Variants in MYO5B observed in about 807,000 individuals in gnomAD.
MYO5B encodes the protein unconventional myosin-Vb.
MYO5B carries 143 observed loss-of-function variants against 229.3 expected under a neutral mutation model. The observed-to-expected ratio is 0.62, with a 90% CI of 0.54 to 0.72. MYO5B has a LOEUF of 0.72. MYO5B is among the 30% of genes least tolerant of loss of function. MYO5B has a pLI of 0.00. For missense variants in MYO5B, 2,321 were observed against 2,331.0 expected (o/e 1.00, Z 0.09); for synonymous variants, 918 against 885.2 (o/e 1.04, Z -0.66).
intron 1 of MYO5B, among the ~76,000 whole-genome samples, chr18:50,153,287 G>A (rs868527303): frequency 2.0e-5 from 3 of 152,296 alleles, no homozygotes; most frequent in Middle Eastern, 6.8e-3. Context: ...AGTGCTCCAA[G>A]TGTTAACTTC....
In MYO5B at chr18:49,864,151, C is replaced by T. The variant is rs747360258; in HGVS notation, c.3833G>A (p.Gly1278Asp). 2 of 1,609,270 alleles carry T rather than the reference C, an allele frequency of 1.2e-6. No homozygotes were observed. Among genetic ancestry groups the T allele is most frequent in the Non-Finnish European group, 1.7e-6 (2 of 1,179,884 alleles). ...IVSADQRRLAGRNAEPNINAR... is the reference protein window; with the variant it reads ...IVSADQRRLADRNAEPNINAR... ...CCGCCATCTTGTTACCGCGTTCCTGCCGGCGAGTCGCCGCTGGTCGGCGCT... is the reference window on the plus strand; with the variant it reads ...CCGCCATCTTGTTACCGCGTTCCTGTCGGCGAGTCGCCGCTGGTCGGCGCT... The change falls in exon 28 of 40, where the codon GGC (glycine) becomes GAC (aspartate). Residue 1278 changes from glycine (G) to aspartate (D), a missense_variant. By Grantham distance (94) the Gly-to-Asp change is moderately conservative. This residue lies in a region of MYO5B where 2,113 missense variants were observed against 2,044.7 expected (regional missense o/e 1.03). Coordinates refer to ENST00000285039, the MANE Select transcript of MYO5B (RefSeq NM_001080467.3).
At chr18:50,081,303 AG>A (rs2031214654) in intron 1 of MYO5B, among the ~76,000 whole-genome samples, 1 of 152,222 alleles carries the variant, frequency 6.6e-6, no homozygotes, top group South Asian at 2.1e-4. Flanking sequence ...GGACCCTCCA[AG>A]CCCATGCTCC....
chr18:50,055,820 A>T (rs1341123005), intron 1 of MYO5B, among the ~76,000 whole-genome samples: 1 of 152,250 alleles, frequency 6.6e-6, no homozygotes, highest in Non-Finnish European at 1.5e-5. Context: ...CTGCATTCAG[A>T]GAAAAAGTCA....
chr18:50,123,243 A>T (rs1350495365), intron 1 of MYO5B, among the ~76,000 whole-genome samples: 1 of 152,190 alleles, frequency 6.6e-6, no homozygotes, highest in Non-Finnish European at 1.5e-5. Flanking sequence ...ACACAAATCC[A>T]TAGACAGAAA....
chr18:50,083,959 G>A (rs116111442), intron 1 of MYO5B, among the ~76,000 whole-genome samples: 4 of 152,146 alleles, frequency 2.6e-5, no homozygotes, highest in South Asian at 4.1e-4. Flanking sequence ...AGACCCTAGC[G>A]TCAGAATGGT....
At chr18:50,184,564 C>T (rs879860767) in intron 1 of MYO5B, among the ~76,000 whole-genome samples, 1 of 152,142 alleles carries the variant, frequency 6.6e-6, no homozygotes, top group Non-Finnish European at 1.5e-5. Flanking sequence ...AATGAGCTAA[C>T]ATGTAGTGCT....
chr18:49,930,851 C>T (rs1352603331), intron 16 of MYO5B, among the ~76,000 whole-genome samples: 1 of 150,300 alleles, frequency 6.7e-6, no homozygotes, highest in Non-Finnish European at 1.5e-5. Flanking sequence ...GAGATCGTGC[C>T]ACTGCACTGC....
At chr18:49,836,995 C>G in intron 37 of MYO5B, 110 bp from the exon 38 acceptor site, 1 of 1,064,700 alleles carries the variant, frequency 9.4e-7, no homozygotes, top group South Asian at 1.4e-5. Context: ...CATTATTTAT[C>G]TCACACGGTT....
chr18:49,947,467 G>T (rs2969926), intron 14 of MYO5B, among the ~76,000 whole-genome samples: 4,809 of 152,248 alleles, frequency 0.032, 244 homozygotes, highest in African/African-American at 0.098. Flanking sequence ...TGAGCGAAAA[G>T]AAGTTTTTAA....
At chr18:49,963,798 G>A (rs951443707) in intron 10 of MYO5B, among the ~76,000 whole-genome samples, 6 of 152,150 alleles carry the variant, frequency 3.9e-5, no homozygotes, top group African/African-American at 1.4e-4. Context: ...GAAGGCATCA[G>A]TTTTAACATC....
Position 50,171,355 on chromosome 18 carries a change from T to C in MYO5B, c.27+23412A>G, listed in dbSNP as rs528707124. The stretch of plus-strand genomic sequence containing the variant: ...ACAGTAATTGCCTCTGTACAGAGAA[T>C]AGAGTTCCTTAGGCTGAAGAAGTCA... On this transcript the variant is annotated intron_variant, in intron 1 of 39. Coordinates refer to ENST00000285039, the MANE Select transcript of MYO5B (RefSeq NM_001080467.3). Among the ~76,000 whole-genome samples the C allele has an allele frequency of 1.9e-3, 242 of 127,758 alleles. 56 individuals carry two copies. The highest frequency in any genetic ancestry group is 4.1e-3 in the Middle Eastern group (1 of 244). The allele number at this position is 127,758 out of a possible 152,430, so 83.8% of individuals were successfully genotyped here. A position where few individuals can be genotyped will look rare whatever the true frequency, so the allele number is the denominator to read the frequency against.
intron 16 of MYO5B, among the ~76,000 whole-genome samples, chr18:49,930,252 T>C (rs901177692): frequency 2.0e-5 from 3 of 152,306 alleles, no homozygotes; most frequent in African/African-American, 7.2e-5. Context: ...GGCACATACG[T>C]TGTGTATGCT....
In MYO5B at chr18:49,847,201, G is replaced by A; in HGVS notation, c.4404C>T (p.Gly1468=). ...CGTCCTCTTTGTGGTACTCCAGCATGCCCTGGAAATCCTTCTCTTTCCGCT... is the reference window on the plus strand; with the variant it reads ...CGTCCTCTTTGTGGTACTCCAGCATACCCTGGAAATCCTTCTCTTTCCGCT... ...TVQRKEKDFQ[G]MLEYHKEDEA... Residue 1468 remains glycine, a synonymous_variant, in exon 33 of 40, where the codon GGC becomes GGT. Coordinates refer to ENST00000285039, the MANE Select transcript of MYO5B (RefSeq NM_001080467.3). 6.2e-7 allele frequency: 1 copy of A among 1,614,160 alleles called. No individual in the cohort carries two copies. Among genetic ancestry groups the A allele is most frequent in the African/African-American group, 1.3e-5 (1 of 75,042 alleles).
At chr18:49,911,876 G>A (rs545674136) in intron 18 of MYO5B, among the ~76,000 whole-genome samples, 186 bp downstream of exon 18, 20 of 152,280 alleles carry the variant, frequency 1.3e-4, no homozygotes, top group Non-Finnish European at 8.8e-5. Context: ...GTTGGGAAGT[G>A]CTCTAGATAA....
At chr18:50,118,435 A>C (rs1405109254) in intron 1 of MYO5B, among the ~76,000 whole-genome samples, 1 of 152,238 alleles carries the variant, frequency 6.6e-6, no homozygotes, top group African/African-American at 2.4e-5. Flanking sequence ...CTAGGTTAGT[A>C]GTTCATATGC....
chr18:49,920,858 A>ATGAC (rs568653757), intron 17 of MYO5B, among the ~76,000 whole-genome samples: 126 of 152,302 alleles, frequency 8.3e-4, no homozygotes, highest in African/African-American at 2.9e-3. Flanking sequence ...GTATGTCCCC[A>ATGAC]TGACTGACGT....
At chr18:50,089,399 T>C (rs1279390147) in intron 1 of MYO5B, among the ~76,000 whole-genome samples, 4 of 151,826 alleles carry the variant, frequency 2.6e-5, no homozygotes, top group Admixed American at 6.6e-5. Context: ...AAAAAAGTTA[T>C]AGGAACCTTT....
intron 21 of MYO5B, among the ~76,000 whole-genome samples, chr18:49,897,208 C>T (rs2024788444): frequency 6.6e-6 from 1 of 152,160 alleles, no homozygotes; most frequent in Non-Finnish European, 1.5e-5. Flanking sequence ...CTCGTCCTTG[C>T]ACCTGCAGGT....
intron 17 of MYO5B, among the ~76,000 whole-genome samples, chr18:49,924,236 G>A (rs919487291): frequency 1.1e-4 from 17 of 152,090 alleles, no homozygotes; most frequent in Non-Finnish European, 2.9e-5. Context: ...ACACCCATAG[G>A]GAGGTAGCTT....
Sources: gnomAD v4.1 joint callset for allele counts (sites outside exome capture counted in the v4.1 genomes callset) on GRCh38, gnomAD v4.1.1 for gene constraint, gnomAD v4.1.1 regional missense constraint, MANE v1.5 for transcripts, NCBI Gene and HGNC (gene_info 2026-07-23, HGNC 2026-07-21) for gene names.